Variants in PDE4B observed in about 807,000 individuals in gnomAD.
PDE4B encodes 3',5'-cyclic-AMP phosphodiesterase 4B.
In PDE4B, 20 loss-of-function variants were observed where a neutral mutation model predicts 82.2. The ratio of observed to expected loss-of-function variants is 0.24; its 90% CI spans 0.17 to 0.35. The LOEUF is 0.35. PDE4B is among the 10% of genes least tolerant of loss of function. The pLI is 1.00. For missense variants in PDE4B, 655 were observed against 907.2 expected (o/e 0.72, Z 3.57); for synonymous variants, 320 against 318.9 (o/e 1.00, Z -0.04).
At chr1:65,915,276 A>G (rs1647146774) in intron 2 of PDE4B, among the ~76,000 whole-genome samples, 1 of 152,224 alleles carries the variant, frequency 6.6e-6, no homozygotes, top group South Asian at 2.1e-4. Context: ...GTGACTGCCT[A>G]CAATGAAATC....
At chr1:65,966,345 T>C (rs3009864) in intron 3 of PDE4B, among the ~76,000 whole-genome samples, 148,905 of 152,214 alleles carry the variant, frequency 0.98, 72,917 homozygotes, top group Middle Eastern at 1. Flanking sequence ...TTACAAGGTA[T>C]GTGAAGGACC....
chr1:66,248,677 GACAA>G (rs1169624450), intron 4 of PDE4B, among the ~76,000 whole-genome samples: 1 of 152,084 alleles, frequency 6.6e-6, no homozygotes, highest in African/African-American at 2.4e-5. Context: ...GGTGATAAAA[GACAA>G]ACAAAACAGT....
intron 3 of PDE4B, among the ~76,000 whole-genome samples, chr1:66,214,696 T>C (rs1650319088): frequency 6.6e-6 from 1 of 152,260 alleles, no homozygotes; most frequent in African/African-American, 2.4e-5. Flanking sequence ...ATTTGCCCTG[T>C]GTCACAAGTG....
intron 3 of PDE4B, among the ~76,000 whole-genome samples, chr1:66,084,304 G>T (rs571724985): frequency 2.0e-5 from 3 of 152,082 alleles, no homozygotes; most frequent in Non-Finnish European, 4.4e-5. Flanking sequence ...AAAATGTATT[G>T]TTCAGAAGAT....
chr1:66,115,699 C>A (rs1645581154), intron 3 of PDE4B, among the ~76,000 whole-genome samples: 1 of 152,178 alleles, frequency 6.6e-6, no homozygotes, highest in South Asian at 2.1e-4. Flanking sequence ...TTTCTCAGAT[C>A]ATTGCACTGA....
At chr1:66,011,647 T>A (rs1652493669) in intron 3 of PDE4B, among the ~76,000 whole-genome samples, 1 of 152,120 alleles carries the variant, frequency 6.6e-6, no homozygotes, top group African/African-American at 2.4e-5. Context: ...GGCAAGTACA[T>A]GTTTTAAAAA....
At chr1:65,863,817 G>A (rs1646480722) in intron 1 of PDE4B, among the ~76,000 whole-genome samples, 1 of 152,036 alleles carries the variant, frequency 6.6e-6, no homozygotes, top group Admixed American at 6.5e-5. Context: ...CAGAGACTAG[G>A]ATTGCAACCC....
chr1:66,031,026 G>A (rs1391293409), intron 3 of PDE4B, among the ~76,000 whole-genome samples: 2 of 152,108 alleles, frequency 1.3e-5, no homozygotes, highest in Non-Finnish European at 2.9e-5. Context: ...TTTCTGCCTG[G>A]GTGACAGGGT....
chr1:65,911,342 T>C (rs894543994), intron 1 of PDE4B, among the ~76,000 whole-genome samples: 2 of 152,194 alleles, frequency 1.3e-5, no homozygotes, highest in African/African-American at 4.8e-5. Context: ...TTAGAAAACC[T>C]TCTATAACCC....
intron 3 of PDE4B, among the ~76,000 whole-genome samples, chr1:65,997,314 T>C (rs1651604795): frequency 6.6e-6 from 1 of 152,138 alleles, no homozygotes; most frequent in East Asian, 1.9e-4. Flanking sequence ...CTTCTTCTCG[T>C]TTAGTTTTAC....
At chr1:66,226,270 A>T (rs997369853) in intron 3 of PDE4B, among the ~76,000 whole-genome samples, 8 of 144,098 alleles carry the variant, frequency 5.6e-5, no homozygotes, top group Non-Finnish European at 1.2e-4. Context: ...CAGGCACTGT[A>T]CTAGGCTCTA....
intron 7 of PDE4B, among the ~76,000 whole-genome samples, chr1:66,301,076 C>T (rs1478886167): frequency 6.6e-6 from 1 of 152,106 alleles, no homozygotes; most frequent in Non-Finnish European, 1.5e-5. Context: ...CTCTCTGAGA[C>T]ACTTAGAAGA....
intron 3 of PDE4B, among the ~76,000 whole-genome samples, chr1:66,059,273 C>G (rs1442362458): frequency 6.6e-6 from 1 of 152,210 alleles, no homozygotes; most frequent in Admixed American, 6.5e-5. Context: ...TTCAACAAGT[C>G]TCTAGGAAGT....
intron 7 of PDE4B, among the ~76,000 whole-genome samples, chr1:66,296,248 CT>C (rs2101825636): frequency 6.6e-6 from 1 of 152,268 alleles, no homozygotes; most frequent in Admixed American, 6.5e-5. Context: ...TGGCCTAATG[CT>C]TGGCACATAC....
At chr1:65,797,669 G>T (rs538055852) in intron 1 of PDE4B, among the ~76,000 whole-genome samples, 1 of 152,174 alleles carries the variant, frequency 6.6e-6, no homozygotes, top group Non-Finnish European at 1.5e-5. Context: ...TTTCAGCCTT[G>T]CAGAAATAAG....
At chr1:65,816,120 CTAAACA>C (rs142459126) in intron 1 of PDE4B, among the ~76,000 whole-genome samples, 4,587 of 151,430 alleles carry the variant, frequency 0.03, 171 homozygotes, top group East Asian at 0.12. Context: ...TCTGATCAGC[CTAAACA>C]TTAAGAAAGC....
chr1:66,140,472 CAT>C (rs1160197845), intron 3 of PDE4B, among the ~76,000 whole-genome samples: 1 of 152,126 alleles, frequency 6.6e-6, no homozygotes, highest in African/African-American at 2.4e-5. Flanking sequence ...ATTCTTGAAT[CAT>C]GTAAGAAAAA....
chr1:65,880,068 G>A (rs1418337274), intron 1 of PDE4B, among the ~76,000 whole-genome samples: 1 of 152,178 alleles, frequency 6.6e-6, no homozygotes, highest in Non-Finnish European at 1.5e-5. Context: ...TGATGTGTCT[G>A]TGTCTGGCTT....
chr1:66,058,897 C>G (rs1407223252), intron 3 of PDE4B, among the ~76,000 whole-genome samples: 1 of 152,236 alleles, frequency 6.6e-6, no homozygotes, highest in Non-Finnish European at 1.5e-5. Context: ...ATTATTTACA[C>G]AAATTTTTGT....
Sources: allele counts gnomAD v4.1 joint callset (sites outside exome capture counted in the v4.1 genomes callset), GRCh38; gene constraint gnomAD v4.1.1; transcripts MANE v1.5; gene names NCBI Gene and HGNC (gene_info 2026-07-23, HGNC 2026-07-21).